The following CTCFL variants were observed in gnomAD, a reference collection of about 807,000 sequenced individuals.
CTCFL encodes transcriptional repressor CTCFL.
A neutral mutation model predicts 67.4 loss-of-function variants in CTCFL; 36 were observed. That is an observed-to-expected ratio of 0.53 (90% CI 0.41 to 0.71). The LOEUF (loss-of-function observed/expected upper bound fraction) is 0.71, where lower values mean the gene tolerates loss of function less well. Among genes scored for constraint, CTCFL ranks in the 30% least tolerant of loss-of-function variants. CTCFL has a pLI of 0.00. For missense variants in CTCFL, 786 were observed against 835.2 expected (o/e 0.94, Z 0.73); for synonymous variants, 324 against 302.3 (o/e 1.07, Z -0.75).
At chr20:57,499,285 C>A (rs1178437027) in intron 10 of CTCFL, among the ~76,000 whole-genome samples, 2 of 152,158 alleles carry the variant, frequency 1.3e-5, no homozygotes, top group African/African-American at 4.8e-5. Flanking sequence ...TTTGGCCAAT[C>A]GACATATACT....
Position 57,498,453 on chromosome 20 carries a change from T to C in CTCFL, c.*97A>G, listed in dbSNP as rs2067760305. 1.5e-5 allele frequency: 22 copies of C among 1,506,124 alleles called. No individual in the cohort carries two copies. The highest frequency in any genetic ancestry group is 1.9e-5 in the Non-Finnish European group (21 of 1,125,742). The allele number at this position is 1,506,124 out of a possible 1,614,324, so 93.3% of individuals were successfully genotyped here. ...ACATGCAACCTGACTCTCTCTCACTTATCCATCGTGTTGAGGAGCATTTCA... is the reference window on the plus strand; with the variant it reads ...ACATGCAACCTGACTCTCTCTCACTCATCCATCGTGTTGAGGAGCATTTCA... On this transcript the variant is annotated 3_prime_UTR_variant, in exon 11 of 11. Transcript: ENST00000243914.
intron 5 of CTCFL, 124 bp downstream of exon 5, chr20:57,518,634 A>G: frequency 1.9e-6 from 3 of 1,570,872 alleles, no homozygotes; most frequent in Non-Finnish European, 2.6e-6. Context: ...TTTCCTGCAT[A>G]AATTTTATAT....
intron 8 of CTCFL, 29 bp from the exon 9 acceptor site, chr20:57,508,817 G>A (rs41304417): frequency 0.022 from 34,624 of 1,603,346 alleles, 451 homozygotes; most frequent in South Asian, 0.038. Context: ...AAAGCAGCTT[G>A]TCTAGTTCAA....
intron 7 of CTCFL, chr20:57,513,695 G>A (rs543779959): frequency 8.4e-7 from 1 of 1,188,448 alleles, no homozygotes; most frequent in South Asian, 1.6e-5. Flanking sequence ...TAAAAGTGAA[G>A]ACTTTGTGGA....
At position 57,503,618 on chromosome 20, in the gene CTCFL, A is replaced by G. The variant is rs1416246548; in HGVS notation, c.1675-17T>C. ...CAGGTTAATCTGTCGGAGAATTGAC[A>G]CAGAACACACAAGGCGAGTGAGATG... On this transcript the variant is annotated splice_polypyrimidine_tract_variant and intron_variant, in intron 9 of 10. Coordinates refer to ENST00000243914, the MANE Select transcript of CTCFL (RefSeq NM_001386993.1). 2 of 1,613,682 alleles carry G rather than the reference A, an allele frequency of 1.2e-6. 1 individual carries two copies. The highest frequency in any genetic ancestry group is 1.7e-6 in the Non-Finnish European group (2 of 1,179,706).
intron 9 of CTCFL, among the ~76,000 whole-genome samples, chr20:57,503,958 G>A (rs944966017): frequency 6.6e-6 from 1 of 151,702 alleles, no homozygotes; most frequent in African/African-American, 2.4e-5. Flanking sequence ...AAAAGAAAAG[G>A]TGATAGAAAC....
At chr20:57,521,783 C>A (rs1217320060) in intron 3 of CTCFL, among the ~76,000 whole-genome samples, 3 of 152,120 alleles carry the variant, frequency 2.0e-5, no homozygotes, top group African/African-American at 7.2e-5. Flanking sequence ...ACCAACAAAC[C>A]CTGCAAACAT....
At chr20:57,508,980 G>A (rs992334627) in intron 8 of CTCFL, among the ~76,000 whole-genome samples, 192 bp from the exon 9 acceptor site, 2 of 152,302 alleles carry the variant, frequency 1.3e-5, no homozygotes, top group South Asian at 2.1e-4. Flanking sequence ...AACAAAACTC[G>A]TATGCAGCAG....
rs907420091 is a variant in CTCFL at position 57,500,345 on chromosome 20, C to T, written c.1841-1644G>A. On this transcript the variant is annotated intron_variant, in intron 10 of 10. Transcript: ENST00000243914. ...TGGCGGGCATCTGTAATCCCAGCTC[C>T]GGAGACTGAGGCATGAGAATCACTT... The T allele has an allele frequency of 1.1e-5, 4 of 365,304 alleles. 1 individual carries two copies. Among genetic ancestry groups the T allele is most frequent in the South Asian group, 4.9e-5 (2 of 40,406 alleles). 22.6% of individuals were successfully genotyped at this position (365,304 alleles called of 1,614,324 possible).
intron 5 of CTCFL, among the ~76,000 whole-genome samples, chr20:57,517,695 G>T (rs2146410369): frequency 6.6e-6 from 1 of 152,274 alleles, no homozygotes; most frequent in East Asian, 1.9e-4. Flanking sequence ...AAGACTTGAG[G>T]AGACTGCAAA....
intron 3 of CTCFL, 49 bp downstream of exon 3, chr20:57,523,019 A>G: frequency 7.2e-7 from 1 of 1,396,642 alleles, no homozygotes; most frequent in Non-Finnish European, 9.9e-7. Flanking sequence ...ATAAAGAAAA[A>G]CAGCAGCCCA....
At chr20:57,516,956 G>C (rs1430243351) in intron 5 of CTCFL, among the ~76,000 whole-genome samples, 1 of 152,172 alleles carries the variant, frequency 6.6e-6, no homozygotes, top group African/African-American at 2.4e-5. Flanking sequence ...TCAGGAAGCT[G>C]CATCAGTCCT....
chr20:57,508,858 C>T (rs1229596442), intron 8 of CTCFL, 70 bp from the exon 9 acceptor site: 4 of 1,341,474 alleles, frequency 3.0e-6, no homozygotes, highest in Non-Finnish European at 4.2e-6. Context: ...CACTGTTTAT[C>T]ATACAATACC....
At chr20:57,502,116 T>C (rs2067948703) in intron 10 of CTCFL, among the ~76,000 whole-genome samples, 1 of 152,180 alleles carries the variant, frequency 6.6e-6, no homozygotes, top group African/African-American at 2.4e-5. Flanking sequence ...CCCCTCAGTC[T>C]CACCAGTTCC....
downstream of CTCFL, among the ~76,000 whole-genome samples, chr20:57,497,011 T>C (rs947590427): frequency 4.4e-5 from 1 of 22,720 alleles, no homozygotes; most frequent in Non-Finnish European, 8.1e-5. Context: ...ATTTCCATTT[T>C]TTTTTTTTTT....
intron 9 of CTCFL, chr20:57,507,539 C>G: frequency 1.4e-6 from 1 of 699,826 alleles, no homozygotes; most frequent in East Asian, 2.7e-5. Context: ...GGCACCATGG[C>G]TTCCTACTTG....
chr20:57,505,970 G>C (rs187423967), intron 9 of CTCFL, among the ~76,000 whole-genome samples: 1 of 152,244 alleles, frequency 6.6e-6, no homozygotes, highest in Non-Finnish European at 1.5e-5. Context: ...GACTGTCTGC[G>C]TTTATGATGG....
chr20:57,517,781 C>T (rs1423747770), intron 5 of CTCFL, among the ~76,000 whole-genome samples: 1 of 151,916 alleles, frequency 6.6e-6, no homozygotes, highest in Non-Finnish European at 1.5e-5. Flanking sequence ...ACCACTGGCA[C>T]TGGGGGAGGG....
intron 10 of CTCFL, 73 bp downstream of exon 10, chr20:57,503,363 C>T (rs2068015034): frequency 6.4e-7 from 1 of 1,561,160 alleles, no homozygotes; most frequent in Admixed American, 1.7e-5. Context: ...TGGACAGTAA[C>T]ACTCGGCACC....
Sources: gnomAD v4.1 joint callset for allele counts (sites outside exome capture counted in the v4.1 genomes callset) on GRCh38, gnomAD v4.1.1 for gene constraint, MANE v1.5 for transcripts, NCBI Gene and HGNC (gene_info 2026-07-23, HGNC 2026-07-21) for gene names.